The following SLC4A10 variants were observed in gnomAD, a reference collection of about 807,000 sequenced individuals.
SLC4A10 encodes the protein sodium-driven chloride bicarbonate exchanger.
A neutral mutation model predicts 137.7 loss-of-function variants in SLC4A10; 42 were observed. The observed-to-expected ratio is 0.30, with a 90% CI of 0.24 to 0.39. The LOEUF is 0.39. Ranked by LOEUF, SLC4A10 falls within the 10% of genes least tolerant of loss-of-function variation. The pLI, the probability that SLC4A10 is intolerant of heterozygous loss-of-function variation, is 1.00. For missense variants in SLC4A10, 925 were observed against 1,355.0 expected (o/e 0.68, Z 4.98); for synonymous variants, 474 against 464.1 (o/e 1.02, Z -0.27).
chr2:161,739,517 A>G (rs1446358794), intron 1 of SLC4A10, among the ~76,000 whole-genome samples: 2 of 152,060 alleles, frequency 1.3e-5, no homozygotes, highest in African/African-American at 4.8e-5. Context: ...ATTGTGTAAT[A>G]TTATCTGTGT....
At chr2:161,717,891 G>T (rs1418014771) in intron 1 of SLC4A10, among the ~76,000 whole-genome samples, 1 of 152,084 alleles carries the variant, frequency 6.6e-6, no homozygotes, top group Non-Finnish European at 1.5e-5. Flanking sequence ...TTGTACCTCT[G>T]GTAGAATTCA....
intron 1 of SLC4A10, among the ~76,000 whole-genome samples, chr2:161,701,025 G>A (rs1334710200): frequency 2.6e-5 from 4 of 151,970 alleles, no homozygotes; most frequent in African/African-American, 4.8e-5. Context: ...CACGCAGTGC[G>A]CTACCTGCTT....
At chr2:161,796,121 T>C (rs1293298752) in intron 2 of SLC4A10, among the ~76,000 whole-genome samples, 1 of 152,218 alleles carries the variant, frequency 6.6e-6, no homozygotes, top group Non-Finnish European at 1.5e-5. Flanking sequence ...CCTGGTACTT[T>C]CAATTTTGTA....
intron 4 of SLC4A10, among the ~76,000 whole-genome samples, chr2:161,852,657 C>T (rs1295189093): frequency 2.6e-5 from 4 of 152,118 alleles, no homozygotes; most frequent in Non-Finnish European, 4.4e-5. Context: ...TCAGTTGTTT[C>T]TGCTATAAGC....
intron 2 of SLC4A10, among the ~76,000 whole-genome samples, chr2:161,793,997 G>T (rs553146570): frequency 6.6e-6 from 1 of 152,068 alleles, no homozygotes; most frequent in East Asian, 1.9e-4. Context: ...AAAACTATCA[G>T]CATCAATGAA....
At chr2:161,865,568 C>A (rs2060690224) in intron 6 of SLC4A10, among the ~76,000 whole-genome samples, 1 of 152,002 alleles carries the variant, frequency 6.6e-6, no homozygotes, top group South Asian at 2.1e-4. Flanking sequence ...TTTTCTAAGC[C>A]TAAGCTTATA....
intron 11 of SLC4A10, 45 bp downstream of exon 11, chr2:161,894,870 T>C (rs2063284763): frequency 8.4e-7 from 1 of 1,196,660 alleles, no homozygotes; most frequent in Non-Finnish European, 1.1e-6. Context: ...TTTTTTTTTG[T>C]CTTTTAAATG....
At chr2:161,814,715 T>C (rs942048885) in intron 3 of SLC4A10, among the ~76,000 whole-genome samples, 8 of 151,912 alleles carry the variant, frequency 5.3e-5, no homozygotes, top group East Asian at 3.9e-4. Context: ...GAGCTAAACA[T>C]TGGGTAGTTG....
At chr2:161,841,946 T>C (rs1203764661) in intron 4 of SLC4A10, among the ~76,000 whole-genome samples, 1 of 152,176 alleles carries the variant, frequency 6.6e-6, no homozygotes, top group Non-Finnish European at 1.5e-5. Context: ...TTATATAATA[T>C]ACAGTGTTCA....
chr2:161,929,142 A>G (rs1360497066), intron 15 of SLC4A10, among the ~76,000 whole-genome samples: 1 of 152,218 alleles, frequency 6.6e-6, no homozygotes, highest in Non-Finnish European at 1.5e-5. Context: ...AGCAACCAAA[A>G]AAAAAGGATG....
At chr2:161,693,494 T>A (rs925294999) in intron 1 of SLC4A10, among the ~76,000 whole-genome samples, 3 of 151,986 alleles carry the variant, frequency 2.0e-5, no homozygotes, top group Non-Finnish European at 4.4e-5. Flanking sequence ...AGCAAAGATT[T>A]GCAGCATTTT....
chr2:161,924,008 A>G (rs992328032), intron 15 of SLC4A10, among the ~76,000 whole-genome samples: 9 of 152,130 alleles, frequency 5.9e-5, no homozygotes, highest in Non-Finnish European at 1.2e-4. Flanking sequence ...AGCATACACT[A>G]TGCTATGCAT....
intron 2 of SLC4A10, among the ~76,000 whole-genome samples, chr2:161,777,938 A>G (rs1035217423): frequency 1.3e-5 from 2 of 151,960 alleles, no homozygotes; most frequent in Non-Finnish European, 2.9e-5. Context: ...TACTCATTAC[A>G]TCTCTTTGTT....
At chr2:161,662,245 T>C (rs2038517804) in intron 1 of SLC4A10, among the ~76,000 whole-genome samples, 1 of 152,200 alleles carries the variant, frequency 6.6e-6, no homozygotes, top group South Asian at 2.1e-4. Context: ...AAGTATTCAT[T>C]TTTTTAAAAC....
At chr2:161,727,040 C>A (rs2046311595) in intron 1 of SLC4A10, among the ~76,000 whole-genome samples, 2 of 152,192 alleles carry the variant, frequency 1.3e-5, no homozygotes, top group African/African-American at 4.8e-5. Context: ...CCTACTCCAG[C>A]AGAATACTGG....
intron 1 of SLC4A10, among the ~76,000 whole-genome samples, chr2:161,701,776 C>T (rs1176599915): frequency 1.3e-5 from 2 of 151,834 alleles, no homozygotes; most frequent in East Asian, 1.9e-4. Flanking sequence ...ACTCTCTACC[C>T]CCATAAGATC....
At chr2:161,879,085 A>T (rs200683609) in intron 8 of SLC4A10, 46 bp from the exon 9 acceptor site, 1 of 1,592,628 alleles carries the variant, frequency 6.3e-7, no homozygotes, top group African/African-American at 1.3e-5. Context: ...GATTTACCAG[A>T]TTTTTCCAAT....
chr2:161,950,940 C>G, intron 19 of SLC4A10, 92 bp downstream of exon 19: 1 of 1,008,672 alleles, frequency 9.9e-7, no homozygotes. Context: ...TTCATTTGCA[C>G]AGTGAAATAT....
chr2:161,764,023 A>G (rs1487626260), intron 1 of SLC4A10, among the ~76,000 whole-genome samples: 4 of 152,138 alleles, frequency 2.6e-5, no homozygotes, highest in African/African-American at 9.7e-5. Context: ...CTCAAAAAAT[A>G]AACTGGCAAA....
Sources: gnomAD v4.1 joint callset for allele counts (sites outside exome capture counted in the v4.1 genomes callset) on GRCh38, gnomAD v4.1.1 for gene constraint, MANE v1.5 for transcripts, NCBI Gene and HGNC (gene_info 2026-07-23, HGNC 2026-07-21) for gene names.